LAP3: variants seen among roughly 807,000 people sequenced by gnomAD.
LAP3 encodes the protein cytosol aminopeptidase.
In LAP3, 46 loss-of-function variants were observed where a neutral mutation model predicts 58.8. The ratio of observed to expected loss-of-function variants is 0.78; its 90% confidence interval spans 0.62 to 1.00. The LOEUF is 1.00. Ranked by LOEUF, LAP3 falls within the 50% of genes least tolerant of loss-of-function variation. The pLI is 0.00. For missense variants in LAP3, 615 were observed against 659.1 expected (o/e 0.93, Z 0.73); for synonymous variants, 257 against 237.7 (o/e 1.08, Z -0.75).
chr4:17,582,167 C>A, intron 3 of LAP3, 121 bp from the exon 4 acceptor site: 1 of 797,958 alleles, frequency 1.3e-6, no homozygotes, highest in Non-Finnish European at 2.0e-6. Context: ...TGCGTTTAGC[C>A]CTGTTGCTGC....
chr4:17,605,805 T>C (rs1714112523), intron 11 of LAP3, among the ~76,000 whole-genome samples: 1 of 152,084 alleles, frequency 6.6e-6, no homozygotes, highest in Admixed American at 6.5e-5. Flanking sequence ...AAAAAACATT[T>C]AAGCTTTAAA....
intron 1 of LAP3, 152 bp downstream of exon 1, chr4:17,577,719 G>T (rs1713246117): frequency 1.6e-6 from 1 of 615,632 alleles, no homozygotes; most frequent in Non-Finnish European, 2.7e-6. Flanking sequence ...TGCGGGGATC[G>T]GCCTAGGCCG....
chr4:17,581,508 G>A (rs1291807665), intron 2 of LAP3, among the ~76,000 whole-genome samples: 1 of 152,030 alleles, frequency 6.6e-6, no homozygotes, highest in East Asian at 1.9e-4. Context: ...GGAGGCTGAG[G>A]TGGGAGGATT....
At chr4:17,598,395 G>C in intron 9 of LAP3, 61 bp from the exon 10 acceptor site, 1 of 1,208,176 alleles carries the variant, frequency 8.3e-7, no homozygotes, top group Non-Finnish European at 1.2e-6. Context: ...ACTGTTGCAA[G>C]TGTCTAGTTT....
chr4:17,607,466 T>C lies in LAP3; in HGVS notation c.1437T>C (p.His479=), dbSNP rs763466609. The change falls in exon 13 of 13, where the codon CAT becomes CAC. Residue 479 remains histidine (H), a synonymous_variant. Transcript: ENST00000226299. ...KEFVTHPKWA[H]LDIAGVMTNK... ...TCGTAACTCATCCTAAGTGGGCACATTTAGACATAGCAGGCGTGATGACCA... is the reference window on the plus strand; with the variant it reads ...TCGTAACTCATCCTAAGTGGGCACACTTAGACATAGCAGGCGTGATGACCA... 1 of 1,614,082 alleles carries C rather than the reference T, an allele frequency of 6.2e-7. No individual in the cohort carries two copies.
In LAP3 at chr4:17,582,356, G is replaced by A; in HGVS notation, c.342G>A (p.Trp114Ter). Reference protein sequence around the residue: ...KAAGIDEQENWHEGKENIRAA... With the variant: ...KAAGIDEQEN ...CTGGAATCGACGAACAGGAAAACTG[G>A]CATGAAGGCAAAGAAAACATCAGAG... Residue 114 changes from tryptophan to a stop codon, truncating the protein, a stop_gained, in exon 4 of 13, where the codon TGG becomes TGA. Coordinates refer to ENST00000226299, the MANE Select transcript of LAP3 (RefSeq NM_015907.3). LOFTEE classifies it high-confidence loss of function. The A allele has an allele frequency of 6.2e-7, 1 of 1,614,066 alleles. No homozygotes were observed. Among genetic ancestry groups the A allele is most frequent in the Non-Finnish European group, 8.5e-7 (1 of 1,179,988 alleles).
chr4:17,577,506 TC>T lies in LAP3; in HGVS notation c.43del (p.Arg15AspfsTer5). 1 of 1,586,662 alleles carries T rather than the reference TC, an allele frequency of 6.3e-7. No homozygotes were observed. The highest frequency in any genetic ancestry group is 8.6e-7 in the Non-Finnish European group (1 of 1,168,298). ...LPLPAAGRVV[V>X]RRLAVRRFGS... Reference sequence around the variant, plus strand: ...CTTCCGGCTGCGGGGCGAGTAGTCGTCCGACGTCTGGCCGTGAGACGTTTCG... The same window carrying T: ...CTTCCGGCTGCGGGGCGAGTAGTCGTCGACGTCTGGCCGTGAGACGTTTCG... On this transcript the variant is annotated frameshift_variant, in exon 1 of 13. Coordinates refer to ENST00000226299, the MANE Select transcript of LAP3 (RefSeq NM_015907.3). LOFTEE classifies it high-confidence loss of function.
At position 17,595,639 on chromosome 4, in the gene LAP3, T is replaced by C. The variant is rs191570058; in HGVS notation, c.988+105T>C. 7.5e-6 allele frequency: 10 copies of C among 1,336,520 alleles called. No homozygotes were observed. In the East Asian group the frequency reaches 2.1e-4, roughly 28 times the overall value. 82.8% of individuals were successfully genotyped at this position (1,336,520 alleles called of 1,614,324 possible). On this transcript the variant is annotated intron_variant, in intron 8 of 12. Transcript: ENST00000226299. Reference sequence around the variant, plus strand: ...TCCCCTAATCTGAAAAGATAAGAAATGATTTTTAAATAGTCATCAAGCAGT... The same window carrying C: ...TCCCCTAATCTGAAAAGATAAGAAACGATTTTTAAATAGTCATCAAGCAGT...
At chr4:17,605,270 T>G (rs16895290) in intron 11 of LAP3, among the ~76,000 whole-genome samples, 2,544 of 152,326 alleles carry the variant, frequency 0.017, 84 homozygotes, top group African/African-American at 0.058. Context: ...GTGATAATCC[T>G]TTCTTGGGCT....
At chr4:17,583,453 C>T in intron 4 of LAP3, 30 bp from the exon 5 acceptor site, 3 of 1,612,174 alleles carry the variant, frequency 1.9e-6, no homozygotes, top group Non-Finnish European at 2.5e-6. Flanking sequence ...TGGACTGACT[C>T]CAGTTTTCTG....
chr4:17,598,569 G>A lies in LAP3; in HGVS notation c.1180+11G>A, dbSNP rs763777705. ...CCGCCACCTTAACAGGTCAGACCGC[G>A]CACTTGCCTTGATTTTGTTTGAAGG... On this transcript the variant is annotated intron_variant, in intron 10 of 12. Coordinates refer to ENST00000226299, the MANE Select transcript of LAP3 (RefSeq NM_015907.3). 1.8e-5 allele frequency: 29 copies of A among 1,579,786 alleles called. No individual in the cohort carries two copies. The highest frequency in any genetic ancestry group is 7.8e-5 in the South Asian group (7 of 90,288).
chr4:17,598,172 A>C (rs1287691592), intron 9 of LAP3, among the ~76,000 whole-genome samples: 2 of 151,882 alleles, frequency 1.3e-5, no homozygotes, highest in Non-Finnish European at 2.9e-5. Context: ...TTATTTTTTT[A>C]TTTTTAATTA....
intron 10 of LAP3, among the ~76,000 whole-genome samples, chr4:17,601,671 A>G (rs1713984056): frequency 6.6e-6 from 1 of 152,186 alleles, no homozygotes; most frequent in African/African-American, 2.4e-5. Flanking sequence ...GTATTTATAT[A>G]TAACCTATGT....
chr4:17,603,779 G>A (rs184032248), intron 10 of LAP3, among the ~76,000 whole-genome samples: 2,483 of 151,030 alleles, frequency 0.016, 82 homozygotes, highest in African/African-American at 0.057. Context: ...CTCCCAAAGT[G>A]CTGGGATTAC....
In LAP3 at chr4:17,607,639, C is replaced by A; in HGVS notation, c.*50C>A. The A allele has an allele frequency of 7.4e-7, 1 of 1,358,790 alleles. No individual in the cohort carries two copies. The highest frequency in any genetic ancestry group is 9.9e-7 in the Non-Finnish European group (1 of 1,010,034). 84.2% of individuals were successfully genotyped at this position (1,358,790 alleles called of 1,614,324 possible). On this transcript the variant is annotated 3_prime_UTR_variant, in exon 13 of 13. Coordinates refer to ENST00000226299, the MANE Select transcript of LAP3 (RefSeq NM_015907.3). The stretch of plus-strand genomic sequence containing the variant: ...CTCTGTCTTAAATTGGACAGTTGAA[C>A]TTAAAAGGTTTTTGAATAAATGGAT...
At chr4:17,604,023 G>A (rs1714052390) in intron 10 of LAP3, among the ~76,000 whole-genome samples, 2 of 151,954 alleles carry the variant, frequency 1.3e-5, no homozygotes, top group Admixed American at 6.6e-5. Context: ...GTTTCTACAT[G>A]TTGGCCAGGC....
intron 2 of LAP3, among the ~76,000 whole-genome samples, chr4:17,580,182 G>GTGTGTATATATATATATATATATATATA (rs1230041457): frequency 3.2e-5 from 1 of 31,020 alleles, no homozygotes; most frequent in African/African-American, 1.7e-4. Context: ...ATATATATAT[G>GTGTGTATATATATATATATATATATATA]TATTTTTTTT....
intron 6 of LAP3, chr4:17,585,358 G>T: frequency 5.2e-6 from 2 of 387,330 alleles, no homozygotes; most frequent in Non-Finnish European, 4.8e-6. Context: ...CTATGTATGT[G>T]TATATTTCAT....
intron 10 of LAP3, among the ~76,000 whole-genome samples, chr4:17,602,546 C>A (rs1714006899): frequency 6.6e-6 from 1 of 152,152 alleles, no homozygotes; most frequent in Non-Finnish European, 1.5e-5. Flanking sequence ...GCAGTAATAA[C>A]AGCCATCAAA....
Sources: gnomAD v4.1 joint callset for allele counts (sites outside exome capture counted in the v4.1 genomes callset) on GRCh38, gnomAD v4.1.1 for gene constraint, MANE v1.5 for transcripts, NCBI Gene and HGNC (gene_info 2026-07-23, HGNC 2026-07-21) for gene names.